CNTN5: variants seen among roughly 807,000 people sequenced by gnomAD.
CNTN5 encodes contactin-5.
Under a neutral mutation model 129.1 loss-of-function variants are expected in CNTN5, and 77 were observed. The ratio of observed to expected loss-of-function variants is 0.60; its 90% CI spans 0.50 to 0.72. The LOEUF (loss-of-function observed/expected upper bound fraction) is 0.72. CNTN5 is among the 30% of genes least tolerant of loss of function. CNTN5 has a pLI of 0.00. For synonymous variants in CNTN5, 509 were observed against 465.6 expected, an observed-to-expected ratio of 1.09 and a Z score of -1.20; for missense variants, 1,478 against 1,328.8, an observed-to-expected ratio of 1.11 and a Z score of -1.75.
intron 1 of CNTN5, among the ~76,000 whole-genome samples, chr11:99,270,168 A>G (rs1863107809): frequency 6.6e-6 from 1 of 151,892 alleles, no homozygotes; most frequent in African/African-American, 2.4e-5. Flanking sequence ...ACTGACACAT[A>G]GTAATTGTAC....
At chr11:99,029,185 A>G (rs1863242137) in intron 1 of CNTN5, among the ~76,000 whole-genome samples, 1 of 151,754 alleles carries the variant, frequency 6.6e-6, no homozygotes, top group Non-Finnish European at 1.5e-5. Flanking sequence ...TTTTACTTCA[A>G]TTTTCATTCT....
chr11:99,260,335 C>T (rs1342730219), intron 1 of CNTN5, among the ~76,000 whole-genome samples: 1 of 151,648 alleles, frequency 6.6e-6, no homozygotes, highest in Non-Finnish European at 1.5e-5. Context: ...GGATAGTGCT[C>T]TTTACACATG....
intron 1 of CNTN5, among the ~76,000 whole-genome samples, chr11:99,107,058 A>C (rs1253532755): frequency 6.6e-6 from 1 of 152,174 alleles, no homozygotes; most frequent in Non-Finnish European, 1.5e-5. Context: ...GCTATCTGTT[A>C]TCAAACAAGT....
intron 4 of CNTN5, among the ~76,000 whole-genome samples, chr11:99,830,967 A>G (rs1346863604): frequency 6.6e-6 from 1 of 152,080 alleles, no homozygotes; most frequent in African/African-American, 2.4e-5. Flanking sequence ...CTATACCATG[A>G]TAGTATATTT....
At chr11:99,317,824 T>TAA (rs151075002) in intron 1 of CNTN5, among the ~76,000 whole-genome samples, 3,074 of 151,190 alleles carry the variant, frequency 0.02, 107 homozygotes, top group African/African-American at 0.071. Flanking sequence ...TAACTTACTG[T>TAA]AAAAAAAAAG....
At chr11:99,148,494 T>C (rs1429683193) in intron 1 of CNTN5, among the ~76,000 whole-genome samples, 2 of 152,088 alleles carry the variant, frequency 1.3e-5, no homozygotes, top group Non-Finnish European at 2.9e-5. Context: ...AACAGCTTGA[T>C]TGGTTACAGC....
At chr11:99,595,685 T>C (rs897294715) in intron 3 of CNTN5, among the ~76,000 whole-genome samples, 1 of 151,998 alleles carries the variant, frequency 6.6e-6, no homozygotes, top group East Asian at 1.9e-4. Context: ...AAACTAACAA[T>C]ACAGAGGCTT....
chr11:99,775,539 GAGAA>G (rs543998434), intron 3 of CNTN5, among the ~76,000 whole-genome samples: 32 of 151,976 alleles, frequency 2.1e-4, no homozygotes, highest in African/African-American at 5.8e-4. Context: ...AAACAAATGA[GAGAA>G]AGAAAGAAAC....
At chr11:99,380,286 A>G (rs1910706) in intron 2 of CNTN5, among the ~76,000 whole-genome samples, 59,989 of 151,948 alleles carry the variant, frequency 0.39, 12,160 homozygotes, top group South Asian at 0.48. Context: ...TGAAATTAGT[A>G]TCACAAAATC....
intron 3 of CNTN5, among the ~76,000 whole-genome samples, chr11:99,652,352 AAAATAAT>A (rs1565391231): frequency 6.6e-6 from 1 of 152,096 alleles, no homozygotes; most frequent in Non-Finnish European, 1.5e-5. Flanking sequence ...TACATAACAT[AAAATAAT>A]GACACCATCA....
intron 1 of CNTN5, among the ~76,000 whole-genome samples, chr11:99,148,516 C>A (rs1859894202): frequency 6.6e-6 from 1 of 152,038 alleles, no homozygotes; most frequent in Non-Finnish European, 1.5e-5. Flanking sequence ...CAGTGTTTGC[C>A]TTATTTGGGC....
chr11:99,778,561 A>G (rs1297730044), intron 3 of CNTN5, among the ~76,000 whole-genome samples: 1 of 151,740 alleles, frequency 6.6e-6, no homozygotes, highest in East Asian at 2.0e-4. Context: ...GCCCTGTTGA[A>G]TCCTGTCTAA....
At chr11:99,084,789 C>T (rs1024757018) in intron 1 of CNTN5, among the ~76,000 whole-genome samples, 7 of 152,088 alleles carry the variant, frequency 4.6e-5, no homozygotes, top group African/African-American at 1.4e-4. Context: ...AGCCTCATAA[C>T]TTTATAAGAT....
rs914583302 is a variant in CNTN5, at chr11:100,178,842, T to C, written c.1581-12284T>C. 9.2e-5 allele frequency among the ~76,000 whole-genome samples: 14 copies of C among 152,256 alleles called. No individual in the cohort carries two copies. The Middle Eastern group carries it at 0.014, about 148-fold the overall frequency. ...CACGGATGCTTAAATGAAGGTGATA[T>C]ATTGAAGAACTCTCCAGCTGACCCC... is the stretch of plus-strand genomic sequence containing the variant. On this transcript the variant is annotated intron_variant, in intron 13 of 24. Coordinates refer to ENST00000524871, the MANE Select transcript of CNTN5 (RefSeq NM_014361.4).
chr11:100,206,470 A>G (rs1488492949), intron 15 of CNTN5, among the ~76,000 whole-genome samples: 3 of 152,132 alleles, frequency 2.0e-5, no homozygotes, highest in African/African-American at 7.2e-5. Flanking sequence ...ACATAGCAAA[A>G]GTAAAGTTGC....
At chr11:99,759,637 C>T (rs973690989) in intron 3 of CNTN5, among the ~76,000 whole-genome samples, 9 of 142,738 alleles carry the variant, frequency 6.3e-5, no homozygotes, top group East Asian at 2.2e-4. Context: ...GGTCAGATGA[C>T]GAATGCTAGG....
intron 1 of CNTN5, among the ~76,000 whole-genome samples, chr11:99,282,452 G>A (rs190331069): frequency 6.6e-6 from 1 of 152,082 alleles, no homozygotes; most frequent in East Asian, 1.9e-4. Flanking sequence ...GCTAGGTATG[G>A]ATTGATATTC....
intron 9 of CNTN5, among the ~76,000 whole-genome samples, chr11:100,037,305 C>T (rs1226559514): frequency 2.0e-5 from 3 of 151,458 alleles, no homozygotes; most frequent in Non-Finnish European, 2.9e-5. Context: ...GCCTTGCATC[C>T]CAGGGATGAA....
At chr11:99,896,497 C>T (rs976397125) in intron 6 of CNTN5, among the ~76,000 whole-genome samples, 5 of 152,096 alleles carry the variant, frequency 3.3e-5, no homozygotes, top group African/African-American at 1.2e-4. Flanking sequence ...TGATGTACCC[C>T]ACAACTTCCC....
Sources: allele counts gnomAD v4.1 joint callset (sites outside exome capture counted in the v4.1 genomes callset), GRCh38; gene constraint gnomAD v4.1.1; transcripts MANE v1.5; gene names NCBI Gene and HGNC (gene_info 2026-07-23, HGNC 2026-07-21).